The following SLC35D4 variants were observed in gnomAD, a reference collection of about 807,000 sequenced individuals.
The protein encoded by SLC35D4 is UDP-N-acetylglucosamine transporter SLC35D4.
At chr18:23,265,356 C>A in the SLC35D4 span, among the ~76,000 whole-genome samples, 1 of 152,148 alleles carries the variant, frequency 6.6e-6, no homozygotes, top group African/African-American at 2.4e-5. Context: ...CACTCAATTT[C>A]TCCCAATGCA....
chr18:23,371,419 T>A, the SLC35D4 span: 1 of 1,583,738 alleles, frequency 6.3e-7, no homozygotes, highest in African/African-American at 1.4e-5. Flanking sequence ...TTTTAAAACT[T>A]ACCTACACAG....
At chr18:23,352,441 A>C in the SLC35D4 span, 1 of 541,286 alleles carries the variant, frequency 1.8e-6, no homozygotes, top group Non-Finnish European at 3.0e-6. Flanking sequence ...CTGGATGAAA[A>C]TAAAAAAAAT....
chr18:23,363,258 A>C, the SLC35D4 span, among the ~76,000 whole-genome samples: 323 of 151,326 alleles, frequency 2.1e-3, 1 homozygote, highest in African/African-American at 7.0e-3. Context: ...GTCTCAAAAA[A>C]AAAAAAAAAA....
At chr18:23,337,418 T>C in the SLC35D4 span, among the ~76,000 whole-genome samples, 1 of 150,524 alleles carries the variant, frequency 6.6e-6, no homozygotes, top group Non-Finnish European at 1.5e-5. Context: ...GAACTTGCAG[T>C]GAGCTGAGAT....
the SLC35D4 span, among the ~76,000 whole-genome samples, chr18:23,395,407 G>C: frequency 6.6e-6 from 1 of 152,158 alleles, no homozygotes; most frequent in Non-Finnish European, 1.5e-5. Context: ...TCCATCCCCA[G>C]TATGTTGAGT....
At chr18:23,329,547 C>T in the SLC35D4 span, among the ~76,000 whole-genome samples, 9 of 152,194 alleles carry the variant, frequency 5.9e-5, no homozygotes, top group African/African-American at 1.7e-4. Context: ...ATTAAAAAGT[C>T]GGGAAACAAC....
chr18:23,278,122 C>T, the SLC35D4 span, among the ~76,000 whole-genome samples: 1 of 152,268 alleles, frequency 6.6e-6, no homozygotes, highest in African/African-American at 2.4e-5. Flanking sequence ...TCTTTCCAAT[C>T]AATTGATTTC....
At chr18:23,379,867 G>C in the SLC35D4 span, among the ~76,000 whole-genome samples, 1 of 152,006 alleles carries the variant, frequency 6.6e-6, no homozygotes, top group South Asian at 2.1e-4. Context: ...AGGCCGAGGA[G>C]GGCAGATCAC....
chr18:23,384,433 C>CACCT, the SLC35D4 span, among the ~76,000 whole-genome samples: 2 of 152,040 alleles, frequency 1.3e-5, no homozygotes, highest in African/African-American at 4.8e-5. Context: ...ATGTGCAGAG[C>CACCT]ACCTACTGCA....
the SLC35D4 span, among the ~76,000 whole-genome samples, chr18:23,336,250 A>G: frequency 6.6e-6 from 1 of 152,186 alleles, no homozygotes; most frequent in African/African-American, 2.4e-5. Context: ...CAACTCCCAG[A>G]TAACTAACTT....
the SLC35D4 span, chr18:23,257,348 G>A: frequency 2.2e-5 from 35 of 1,610,100 alleles, no homozygotes; most frequent in South Asian, 3.3e-5. Context: ...CACTACAGAC[G>A]GCTGGTCCAG....
the SLC35D4 span, among the ~76,000 whole-genome samples, chr18:23,428,559 C>A: frequency 3.3e-5 from 5 of 152,012 alleles, no homozygotes; most frequent in African/African-American, 9.7e-5. Context: ...ACTTTGTCAC[C>A]CAAGCTGGAG....
the SLC35D4 span, among the ~76,000 whole-genome samples, chr18:23,246,692 GT>G: frequency 3.3e-5 from 5 of 151,260 alleles, no homozygotes; most frequent in African/African-American, 1.2e-4. Flanking sequence ...CACCCGGCCA[GT>G]TTTTTCGTTT....
the SLC35D4 span, among the ~76,000 whole-genome samples, chr18:23,393,415 C>T: frequency 1.3e-5 from 2 of 152,106 alleles, no homozygotes; most frequent in Non-Finnish European, 2.9e-5. Flanking sequence ...TCTTCATTCT[C>T]CCCTACTCCC....
At chr18:23,413,729 A>G in the SLC35D4 span, among the ~76,000 whole-genome samples, 1 of 151,992 alleles carries the variant, frequency 6.6e-6, no homozygotes, top group Non-Finnish European at 1.5e-5. Flanking sequence ...GTTCGAGACC[A>G]GCCTGGCCAA....
At chr18:23,242,945 G>T in the SLC35D4 span, among the ~76,000 whole-genome samples, 2 of 151,902 alleles carry the variant, frequency 1.3e-5, no homozygotes, top group Non-Finnish European at 2.9e-5. Context: ...ATGAAAGAAA[G>T]ACTAATTCAG....
chr18:23,389,309 C>T, the SLC35D4 span, among the ~76,000 whole-genome samples: 1 of 152,106 alleles, frequency 6.6e-6, no homozygotes, highest in Non-Finnish European at 1.5e-5. Flanking sequence ...TTCTTTATAG[C>T]AGTGTGAGAA....
chr18:23,311,106 T>C, the SLC35D4 span, among the ~76,000 whole-genome samples: 19 of 146,840 alleles, frequency 1.3e-4, no homozygotes, highest in African/African-American at 4.7e-4. Flanking sequence ...TCTCTTCCCT[T>C]TTTTTTTTTT....
chr18:23,291,752 C>T, the SLC35D4 span, among the ~76,000 whole-genome samples: 2 of 152,194 alleles, frequency 1.3e-5, no homozygotes, highest in Admixed American at 6.5e-5. Context: ...TCCATCACAC[C>T]TTATTGGCTA....
Sources: gnomAD v4.1 joint callset for allele counts (sites outside exome capture counted in the v4.1 genomes callset) on GRCh38, gnomAD v4.1.1 for gene constraint, MANE v1.5 for transcripts, NCBI Gene and HGNC (gene_info 2026-07-23, HGNC 2026-07-21) for gene names.